DYM: variants seen among roughly 807,000 people sequenced by gnomAD.
DYM encodes the protein dymeclin.
Under a neutral mutation model 93.1 loss-of-function variants are expected in DYM, and 78 were observed. The ratio of observed to expected loss-of-function variants is 0.84; its 90% CI spans 0.70 to 1.01. The LOEUF is 1.01. DYM is among the 50% of genes least tolerant of loss of function. The pLI is 0.00. For missense variants in DYM, 789 were observed against 845.0 expected (o/e 0.93, Z 0.82); for synonymous variants, 321 against 319.7 (o/e 1.00, Z -0.04).
intron 17 of DYM, among the ~76,000 whole-genome samples, chr18:49,060,849 C>T (rs2075933838): frequency 6.6e-6 from 1 of 151,762 alleles, no homozygotes; most frequent in Non-Finnish European, 1.5e-5. Context: ...GATAGTTCAC[C>T]TGGGGTGGTC....
chr18:49,126,736 G>A (rs2082872110), intron 15 of DYM, among the ~76,000 whole-genome samples: 1 of 152,104 alleles, frequency 6.6e-6, no homozygotes, highest in Non-Finnish European at 1.5e-5. Flanking sequence ...TAAGCACTAT[G>A]TGAGTGTTAT....
intron 11 of DYM, among the ~76,000 whole-genome samples, chr18:49,264,481 C>G (rs1005880241): frequency 4.6e-5 from 7 of 152,004 alleles, no homozygotes; most frequent in African/African-American, 1.7e-4. Flanking sequence ...TTTCATCAAC[C>G]CCATAGTAAT....
intron 2 of DYM, among the ~76,000 whole-genome samples, chr18:49,420,297 A>T (rs1407422624): frequency 2.0e-5 from 3 of 151,370 alleles, no homozygotes; most frequent in African/African-American, 7.3e-5. Context: ...CCTCCCGAGT[A>T]GCTGGGATTA....
chr18:49,304,669 C>T (rs556934045), intron 8 of DYM, among the ~76,000 whole-genome samples: 1 of 152,136 alleles, frequency 6.6e-6, no homozygotes, highest in Non-Finnish European at 1.5e-5. Context: ...TCAAACATCC[C>T]AGCTACCTTG....
At chr18:49,357,100 C>A (rs929523807) in intron 6 of DYM, among the ~76,000 whole-genome samples, 4 of 152,140 alleles carry the variant, frequency 2.6e-5, no homozygotes. Context: ...TTATTCATAC[C>A]TAAGAAGTCC....
chr18:49,278,265 G>A (rs995705954), intron 10 of DYM, among the ~76,000 whole-genome samples: 1 of 152,164 alleles, frequency 6.6e-6, no homozygotes, highest in South Asian at 2.1e-4. Flanking sequence ...CTTCAGTGAA[G>A]TTTCAAATGA....
At chr18:49,283,468 A>G (rs1322802886) in intron 9 of DYM, among the ~76,000 whole-genome samples, 1 of 152,152 alleles carries the variant, frequency 6.6e-6, no homozygotes, top group East Asian at 1.9e-4. Context: ...AATGAAAAGA[A>G]CAAATCACAG....
At chr18:49,361,161 G>T (rs1304488301) in intron 6 of DYM, among the ~76,000 whole-genome samples, 1 of 152,180 alleles carries the variant, frequency 6.6e-6, no homozygotes, top group Non-Finnish European at 1.5e-5. Flanking sequence ...AGGATGTCAT[G>T]CAAGTGTCTG....
intron 16 of DYM, among the ~76,000 whole-genome samples, chr18:49,105,046 T>C (rs1202344715): frequency 1.3e-5 from 2 of 152,224 alleles, no homozygotes; most frequent in Admixed American, 1.3e-4. Context: ...TCCTGGACTT[T>C]TTTTGGTTGG....
At chr18:49,170,916 G>T (rs2088624262) in intron 14 of DYM, among the ~76,000 whole-genome samples, 1 of 151,000 alleles carries the variant, frequency 6.6e-6, no homozygotes, top group Admixed American at 6.6e-5. Flanking sequence ...TGGAAGCCAA[G>T]AGAACAATTT....
chr18:49,431,980 A>C (rs1399814721), intron 1 of DYM: 1 of 152,220 alleles, frequency 6.6e-6, no homozygotes, highest in Non-Finnish European at 1.5e-5. Context: ...CTGAATCATA[A>C]TTCAGCTTCA....
intron 16 of DYM, among the ~76,000 whole-genome samples, chr18:49,114,337 A>G (rs919094214): frequency 5.3e-5 from 8 of 152,360 alleles, no homozygotes; most frequent in African/African-American, 1.7e-4. Context: ...TAAGAACTGC[A>G]TAACAGCATA....
At chr18:49,265,884 T>C (rs1369237805) in intron 11 of DYM, among the ~76,000 whole-genome samples, 1 of 151,624 alleles carries the variant, frequency 6.6e-6, no homozygotes, top group East Asian at 1.9e-4. Flanking sequence ...ATACAGAAAC[T>C]AAACTATGGT....
chr18:49,080,411 C>T (rs1228586150), intron 17 of DYM, among the ~76,000 whole-genome samples: 9 of 131,318 alleles, frequency 6.9e-5, no homozygotes, highest in Admixed American at 1.5e-4. Context: ...CCCTCCCGGA[C>T]GGGGTGGCTG....
chr18:49,239,718 A>C (rs1484049882), intron 13 of DYM, among the ~76,000 whole-genome samples: 2 of 152,206 alleles, frequency 1.3e-5, no homozygotes, highest in Admixed American at 1.3e-4. Flanking sequence ...CAGCCTTGAG[A>C]TGGGAGCACA....
At chr18:49,238,569 C>G (rs1220950132) in intron 13 of DYM, among the ~76,000 whole-genome samples, 1 of 151,864 alleles carries the variant, frequency 6.6e-6, no homozygotes, top group Non-Finnish European at 1.5e-5. Context: ...CCTGGTGCAC[C>G]TTAGTGTCCA....
intron 2 of DYM, among the ~76,000 whole-genome samples, chr18:49,428,281 T>C (rs1009914263): frequency 6.0e-5 from 9 of 151,052 alleles, no homozygotes; most frequent in African/African-American, 2.2e-4. Flanking sequence ...CAAGACCCCA[T>C]CTCTAAAAAG....
chr18:49,261,091 T>A (rs1047062705), intron 11 of DYM, among the ~76,000 whole-genome samples: 2 of 151,986 alleles, frequency 1.3e-5, no homozygotes, highest in African/African-American at 4.8e-5. Flanking sequence ...AGCAAAAAAA[T>A]TCCAAACAAT....
intron 10 of DYM, among the ~76,000 whole-genome samples, chr18:49,274,524 G>GATT (rs1412607453): frequency 6.6e-6 from 1 of 152,052 alleles, no homozygotes; most frequent in Non-Finnish European, 1.5e-5. Flanking sequence ...GGAATTGCTG[G>GATT]ATCATATGGT....
Sources: allele counts gnomAD v4.1 joint callset (sites outside exome capture counted in the v4.1 genomes callset), GRCh38; gene constraint gnomAD v4.1.1; transcripts MANE v1.5; gene names NCBI Gene and HGNC (gene_info 2026-07-23, HGNC 2026-07-21).